Variants in ADAR observed in about 807,000 individuals in gnomAD.
ADAR encodes double-stranded RNA-specific adenosine deaminase.
Under a neutral mutation model 113.2 loss-of-function variants are expected in ADAR, and 41 were observed. The ratio of observed to expected loss-of-function variants is 0.36; its 90% CI spans 0.28 to 0.47. The LOEUF (loss-of-function observed/expected upper bound fraction) is 0.47. ADAR is among the 20% of genes least tolerant of loss of function. The probability of loss-of-function intolerance (pLI) is 1.00; values close to 1 mark genes in which losing one functional copy is unlikely to be tolerated. For synonymous variants in ADAR, 605 were observed against 572.6 expected (o/e 1.06, Z -0.81); for missense variants, 1,242 against 1,540.9 (o/e 0.81, Z 3.25).
intron 1 of ADAR, among the ~76,000 whole-genome samples, chr1:154,627,213 C>T (rs76373507): frequency 0.02 from 3,081 of 152,282 alleles, 96 homozygotes; most frequent in African/African-American, 0.071. Flanking sequence ...TAGTGGGGCC[C>T]CCAAATCAAG....
At chr1:154,593,336 C>A (rs1697288930) in intron 6 of ADAR, among the ~76,000 whole-genome samples, 1 of 152,172 alleles carries the variant, frequency 6.6e-6, no homozygotes, top group Non-Finnish European at 1.5e-5. Context: ...AGCTCCCTGG[C>A]AGACAGTGGC....
rs117616832 is a variant in ADAR at position 154,586,139 on chromosome 1, A to C, written c.3202+42T>G. On this transcript the variant is annotated intron_variant, in intron 12 of 14. Transcript: ENST00000368474. Reference sequence around the variant, plus strand: ...GCATGCAGTTTGGGATCTGGGCACAAGAAGGACAGACCAGTTCCAGATCCC... The same window carrying C: ...GCATGCAGTTTGGGATCTGGGCACACGAAGGACAGACCAGTTCCAGATCCC... The C allele has an allele frequency of 4.6e-4, 744 of 1,611,170 alleles. 11 individuals carry two copies. The East Asian group carries it at 0.016, about 35-fold the overall frequency.
intron 13 of ADAR, 118 bp from the exon 14 acceptor site, chr1:154,585,462 T>G: frequency 6.7e-7 from 1 of 1,484,206 alleles, no homozygotes. Context: ...TTCCCCTGTA[T>G]TTAGGGTTCT....
rs1327051029 is a variant in ADAR, at chr1:154,589,744, G to C, written c.2668+13C>G. On this transcript the variant is annotated intron_variant, in intron 8 of 14. Transcript: ENST00000368474. ...GCGCCATGGGAGGCGGCATGTCTCA[G>C]AGCCTCACTCACCTGTTCCCAAGCT... The C allele has an allele frequency of 5.0e-6, 8 of 1,613,964 alleles. No homozygotes were observed. Among genetic ancestry groups the C allele is most frequent in the African/African-American group, 1.3e-5 (1 of 74,908 alleles).
In ADAR at chr1:154,601,003, A is replaced by G. The variant is rs1276037193; in HGVS notation, c.1601+38T>C. ...ACTGCGTCAGGAGCAAAAGCACCTG[A>G]CCCCAACCCTAGGTACAGTTCCTGG... is the stretch of plus-strand genomic sequence containing the variant. On this transcript the variant is annotated intron_variant, in intron 2 of 14. Transcript: ENST00000368474. This position sits in a 1 kb window ranked among gnomAD's most constrained non-coding sequence, Gnocchi z 4.7. 24 of 1,612,996 alleles carry G rather than the reference A, an allele frequency of 1.5e-5. No homozygotes were observed. Among genetic ancestry groups the G allele is most frequent in the Non-Finnish European group, 1.9e-5 (23 of 1,179,962 alleles).
Position 154,588,686 on chromosome 1 carries a change from A to T in ADAR, c.2763-13T>A. The T allele has an allele frequency of 6.2e-7, 1 of 1,614,150 alleles. No homozygotes were observed. The highest frequency in any genetic ancestry group is 2.2e-5 in the East Asian group (1 of 44,890). ...ACTGTAGAGAAACCTACAAAAAGAA[A>T]GTCTGGTTAGGAAGGCAGGTTCAAT... On this transcript the variant is annotated splice_polypyrimidine_tract_variant and intron_variant, in intron 9 of 14. Coordinates refer to ENST00000368474, the MANE Select transcript of ADAR (RefSeq NM_001111.5).
chr1:154,589,428 T>C lies in ADAR; in HGVS notation c.2703A>G (p.Leu901=), dbSNP rs1401493023. 1.9e-6 allele frequency: 3 copies of C among 1,614,030 alleles called. No individual in the cohort carries two copies. The highest frequency in any genetic ancestry group is 1.1e-5 in the South Asian group (1 of 91,086). ...GGCAGTCATTGACAGTTTCTCCTTT[T>C]AGGCTGAGAGAATCTCCTTTCACAC... ...NRCVKGDSLS[L]KGETVNDCHA... The change falls in exon 9 of 15, where the codon CTA becomes CTG. Residue 901 remains leucine, a synonymous_variant. Coordinates refer to ENST00000368474, the MANE Select transcript of ADAR (RefSeq NM_001111.5).
chr1:154,596,119 A>G (rs1697476914), intron 6 of ADAR, among the ~76,000 whole-genome samples: 1 of 152,204 alleles, frequency 6.6e-6, no homozygotes, highest in South Asian at 2.1e-4. Flanking sequence ...CAACAAAACC[A>G]TGCTTCTCAG....
chr1:154,599,308 T>C (rs1697711554), intron 2 of ADAR, among the ~76,000 whole-genome samples: 1 of 152,226 alleles, frequency 6.6e-6, no homozygotes, highest in Non-Finnish European at 1.5e-5. Flanking sequence ...GTAGGTCAAA[T>C]TTCTTATTTC....
Position 154,588,677 on chromosome 1 carries a change from C to T in ADAR, c.2763-4G>A, listed in dbSNP as rs1292075677. ...CATTAACTCACTGTAGAGAAACCTA[C>T]AAAAAGAAAGTCTGGTTAGGAAGGC... On this transcript the variant is annotated splice_polypyrimidine_tract_variant and splice_region_variant and intron_variant, in intron 9 of 14. Transcript: ENST00000368474. The T allele has an allele frequency of 1.9e-6, 3 of 1,614,092 alleles. No individual in the cohort carries two copies. The highest frequency in any genetic ancestry group is 2.2e-5 in the South Asian group (2 of 91,086).
intron 6 of ADAR, among the ~76,000 whole-genome samples, chr1:154,592,432 C>T (rs1697210973): frequency 6.6e-6 from 1 of 152,122 alleles, no homozygotes; most frequent in Admixed American, 6.5e-5. Context: ...GAAGATACTC[C>T]ATAAATAAGT....
At chr1:154,622,367 GTTCTT>G (rs1386416038) in intron 1 of ADAR, among the ~76,000 whole-genome samples, 14 of 152,256 alleles carry the variant, frequency 9.2e-5, no homozygotes, top group Admixed American at 3.3e-4. Context: ...TCTTATTTCT[GTTCTT>G]GAGTGTTTTG....
chr1:154,601,929 G>C lies in ADAR; in HGVS notation c.713C>G (p.Ser238Ter). ...EPEDRNSTSVSEDLLEPFIAV... is the reference protein window; with the variant it reads ...EPEDRNSTSV ...AATAAAAGGCTCAAGAAGATCTTCT[G>C]AGACAGATGTGGAGTTTCTGTCTTC... is the stretch of plus-strand genomic sequence containing the variant. Residue 238 changes from serine to a stop codon, truncating the protein, a stop_gained, in exon 2 of 15, where the codon TCA becomes TGA. Coordinates refer to ENST00000368474, the MANE Select transcript of ADAR (RefSeq NM_001111.5). LOFTEE classifies it high-confidence loss of function. The surrounding 1 kb of genome is among the most constrained non-coding windows in gnomAD (Gnocchi z 4.7). 1 of 1,613,548 alleles carries C rather than the reference G, an allele frequency of 6.2e-7. No homozygotes were observed. The highest frequency in any genetic ancestry group is 8.5e-7 in the Non-Finnish European group (1 of 1,179,804).
chr1:154,602,098 T>G lies in ADAR; in HGVS notation c.544A>C (p.Lys182Gln). The change falls in exon 2 of 15, where the codon AAG becomes CAG. Residue 182 changes from lysine to glutamine, a missense_variant. Physicochemically the swap from Lys to Gln is moderately conservative, Grantham distance 53 (BLOSUM62 1). Around this residue, in one of 2 missense-constraint regions of ADAR, gnomAD observed 462 missense variants for 483.1 expected, o/e 0.96. Transcript: ENST00000368474. Reference protein sequence around the residue: ...INRVLYSLAKKGKLQKEAGTP... With the variant: ...INRVLYSLAKQGKLQKEAGTP... ...CCTGCCTCTTTCTGTAGCTTGCCCT[T>G]CTTTGCCAGGGAGTATAAAACTCGA... The G allele has an allele frequency of 6.2e-7, 1 of 1,614,234 alleles. No individual in the cohort carries two copies. Among genetic ancestry groups the G allele is most frequent in the East Asian group, 2.2e-5 (1 of 44,886 alleles).
intron 1 of ADAR, among the ~76,000 whole-genome samples, chr1:154,627,263 C>T (rs1698967237): frequency 6.6e-6 from 1 of 152,242 alleles, no homozygotes; most frequent in Non-Finnish European, 1.5e-5. Flanking sequence ...AACTAGGCCT[C>T]CTGCACCAGG....
intron 13 of ADAR, 149 bp downstream of exon 13, chr1:154,585,604 T>A (rs774043175): frequency 3.2e-5 from 28 of 879,502 alleles, no homozygotes; most frequent in Non-Finnish European, 5.1e-5. Context: ...CCAACCAATG[T>A]TGGTGGTGGG....
intron 1 of ADAR, among the ~76,000 whole-genome samples, chr1:154,626,703 C>T (rs1698947213): frequency 6.6e-6 from 1 of 152,148 alleles, no homozygotes; most frequent in African/African-American, 2.4e-5. Context: ...ATATAATTAT[C>T]TTCATTTTGT....
intron 1 of ADAR, among the ~76,000 whole-genome samples, chr1:154,605,622 CTA>C (rs1170419283): frequency 6.6e-6 from 1 of 152,146 alleles, no homozygotes; most frequent in Non-Finnish European, 1.5e-5. Flanking sequence ...CTCAACCTCT[CTA>C]GCACTTGGCA....
rs763748775 is a variant in ADAR at position 154,597,215 on chromosome 1, G to T, written c.1987C>A (p.Pro663Thr). ...ATCTGCTTTGCCACTTTCTTGCTGG[G>T]AGCACTCACACTGGGGAAAGTTTGG... Reference protein sequence around the residue: ...GAQTFPSVSAPSKKVAKQMAA... With the variant: ...GAQTFPSVSATSKKVAKQMAA... Residue 663 changes from proline (P) to threonine (T), a missense_variant, in exon 5 of 15, where the codon CCC becomes ACC. Transcript: ENST00000368474. 1 of 1,614,146 alleles carries T rather than the reference G, an allele frequency of 6.2e-7. No homozygotes were observed. The highest frequency in any genetic ancestry group is 1.7e-5 in the Admixed American group (1 of 60,022).
Sources: gnomAD v4.1 joint callset for allele counts (sites outside exome capture counted in the v4.1 genomes callset) on GRCh38, gnomAD v4.1.1 for gene constraint, gnomAD v4.1.1 regional missense constraint, Gnocchi (gnomAD v3.1) non-coding constraint, MANE v1.5 for transcripts, NCBI Gene and HGNC (gene_info 2026-07-23, HGNC 2026-07-21) for gene names.